ATP2B2: variants seen among roughly 807,000 people sequenced by gnomAD.
ATP2B2 encodes ATPase plasma membrane Ca2+ transporting 2.
Under a neutral mutation model 120.0 loss-of-function variants are expected in ATP2B2, and 15 were observed. That is an observed-to-expected ratio of 0.12 (90% confidence interval 0.08 to 0.19). The LOEUF is 0.19. ATP2B2 is among the 10% of genes least tolerant of loss of function. ATP2B2 has a pLI of 1.00. For synonymous variants in ATP2B2, 694 were observed against 700.3 expected, an observed-to-expected ratio of 0.99 and a Z score of 0.14; for missense variants, 1,045 against 1,719.8, an observed-to-expected ratio of 0.61 and a Z score of 6.94.
chr3:10,345,663 C>T, intron 17 of ATP2B2, 88 bp from the exon 18 acceptor site: 1 of 1,276,410 alleles, frequency 7.8e-7, no homozygotes, highest in Non-Finnish European at 1.1e-6. Context: ...TCCACTTCCT[C>T]AGTCCTACAC....
rs879169121 is a variant in ATP2B2, at chr3:10,326,929, C to T, written c.*1885G>A. The T allele has an allele frequency of 7.5e-6, 3 of 398,740 alleles. No individual in the cohort carries two copies. The highest frequency in any genetic ancestry group is 2.6e-4 in the South Asian group (2 of 7,708). 24.7% of individuals were successfully genotyped at this position (398,740 alleles called of 1,614,324 possible). ...GAGAAGGGAAGGGGCTGGGCTGACA[C>T]AGCCATCGTGAGGAGGGTCAGCATG... is the stretch of plus-strand genomic sequence containing the variant. On this transcript the variant is annotated 3_prime_UTR_variant, in exon 23 of 23. Coordinates refer to ENST00000360273, the MANE Select transcript of ATP2B2 (RefSeq NM_001001331.4).
intron 1 of ATP2B2, among the ~76,000 whole-genome samples, chr3:10,697,031 G>C (rs1216026134): frequency 6.6e-6 from 1 of 152,160 alleles, no homozygotes; most frequent in African/African-American, 2.4e-5. Context: ...ACAGGGAAGG[G>C]AGTGTTTTCC....
chr3:10,697,214 T>C (rs2071754207), intron 1 of ATP2B2, among the ~76,000 whole-genome samples: 2 of 152,150 alleles, frequency 1.3e-5, no homozygotes, highest in Admixed American at 1.3e-4. Context: ...TCTTGTCAGT[T>C]TCCAGGCTTC....
At chr3:10,689,793 C>T (rs367804950) in intron 1 of ATP2B2, among the ~76,000 whole-genome samples, 2 of 152,182 alleles carry the variant, frequency 1.3e-5, no homozygotes, top group Non-Finnish European at 2.9e-5. Context: ...TGTGAGTCTC[C>T]GACCTGGTTT....
At chr3:10,378,006 G>T (rs938793776) in intron 10 of ATP2B2, among the ~76,000 whole-genome samples, 11 of 152,242 alleles carry the variant, frequency 7.2e-5, no homozygotes, top group Non-Finnish European at 1.5e-4. Flanking sequence ...GGACAAGAAG[G>T]CAGGCCGTCT....
chr3:10,372,792 T>C (rs1017679404), intron 11 of ATP2B2, among the ~76,000 whole-genome samples: 2 of 152,230 alleles, frequency 1.3e-5, no homozygotes, highest in Admixed American at 6.5e-5. Flanking sequence ...TTCTTCTATC[T>C]GCCTTCTTTT....
chr3:10,442,549 CACACATG>C (rs2063703608), intron 2 of ATP2B2, among the ~76,000 whole-genome samples: 1 of 152,160 alleles, frequency 6.6e-6, no homozygotes, highest in East Asian at 1.9e-4. Context: ...GGAAAGCATC[CACACATG>C]ATTCATTGGA....
At chr3:10,505,792 G>A (rs2066605488), upstream of ATP2B2, 4 of 143,108 alleles carry the variant, frequency 2.8e-5, no homozygotes, top group South Asian at 9.3e-4. Context: ...GAGGAGAGTG[G>A]GGGGCGGGGG....
At chr3:10,667,836 A>C (rs1015383977) in intron 1 of ATP2B2, among the ~76,000 whole-genome samples, 5 of 152,054 alleles carry the variant, frequency 3.3e-5, no homozygotes, top group Non-Finnish European at 5.9e-5. Flanking sequence ...GCAGTCCAGG[A>C]CTCTCTCCAG....
At chr3:10,457,782 A>G (rs917558962) in intron 1 of ATP2B2, among the ~76,000 whole-genome samples, 1 of 149,972 alleles carries the variant, frequency 6.7e-6, no homozygotes, top group Non-Finnish European at 1.5e-5. Flanking sequence ...GACAACTCCT[A>G]TTCTGTTAAC....
intron 12 of ATP2B2, among the ~76,000 whole-genome samples, chr3:10,368,182 A>G (rs1478296186): frequency 1.5e-5 from 2 of 133,354 alleles, no homozygotes; most frequent in Non-Finnish European, 3.2e-5. Context: ...CCTTGCAAAT[A>G]CTCTTTTTTT....
At chr3:10,390,688 G>A (rs773752172) in intron 5 of ATP2B2, among the ~76,000 whole-genome samples, 1 of 152,162 alleles carries the variant, frequency 6.6e-6, no homozygotes, top group East Asian at 1.9e-4. Flanking sequence ...GGGGGTGTGC[G>A]GAACCCAGAT....
chr3:10,399,755 C>T (rs2062157239), intron 5 of ATP2B2, among the ~76,000 whole-genome samples: 1 of 152,240 alleles, frequency 6.6e-6, no homozygotes, highest in Non-Finnish European at 1.5e-5. Context: ...GACCTCTGTG[C>T]CTTTGTACAT....
At chr3:10,411,665 C>T (rs919096140) in intron 2 of ATP2B2, among the ~76,000 whole-genome samples, 3 of 152,214 alleles carry the variant, frequency 2.0e-5, no homozygotes, top group African/African-American at 7.2e-5. Context: ...GGTCCATGAG[C>T]ATTTATTGAG....
intron 1 of ATP2B2, among the ~76,000 whole-genome samples, chr3:10,668,759 C>T (rs1051585730): frequency 2.0e-5 from 3 of 152,322 alleles, no homozygotes; most frequent in African/African-American, 7.2e-5. Context: ...CGCTTGCTGT[C>T]TGTCACTATG....
intron 5 of ATP2B2, among the ~76,000 whole-genome samples, chr3:10,389,194 G>A (rs570064040): frequency 3.9e-4 from 60 of 152,130 alleles, no homozygotes; most frequent in Non-Finnish European, 7.2e-4. Flanking sequence ...GGTGGGTGAA[G>A]GAGGCCTTTG....
At position 10,359,974 on chromosome 3, in the gene ATP2B2, G is replaced by A. The variant is rs1262866401; in HGVS notation, c.1809C>T (p.Asn603=). The part of the protein sequence containing the change: ...EEKLYKVYTF[N]SVRKSMSTVI... ...CAGTGCTCATGGACTTGCGCACGGAGTTGAAGGTGTACACTTTGTACAACT... is the reference window on the plus strand; with the variant it reads ...CAGTGCTCATGGACTTGCGCACGGAATTGAAGGTGTACACTTTGTACAACT... The change falls in exon 13 of 23, where the codon AAC becomes AAT. Residue 603 remains asparagine, a synonymous_variant. Transcript: ENST00000360273. 3.1e-6 allele frequency: 5 copies of A among 1,614,122 alleles called. No homozygotes were observed. The highest frequency in any genetic ancestry group is 4.2e-6 in the Non-Finnish European group (5 of 1,180,036).
chr3:10,653,633 C>A (rs1245744482), intron 1 of ATP2B2, among the ~76,000 whole-genome samples: 1 of 152,196 alleles, frequency 6.6e-6, no homozygotes, highest in Non-Finnish European at 1.5e-5. Context: ...ATAACAGCAG[C>A]CCCAGCTAAC....
intron 1 of ATP2B2, among the ~76,000 whole-genome samples, chr3:10,465,300 C>A (rs531004680): frequency 6.6e-6 from 1 of 152,396 alleles, no homozygotes; most frequent in South Asian, 2.1e-4. Context: ...TTGTCCCCAG[C>A]AATCAGCAAT....
Sources: allele counts gnomAD v4.1 joint callset (sites outside exome capture counted in the v4.1 genomes callset), GRCh38; gene constraint gnomAD v4.1.1; transcripts MANE v1.5; gene names NCBI Gene and HGNC (gene_info 2026-07-23, HGNC 2026-07-21).